Variants in GPHN observed in about 807,000 individuals in gnomAD.
GPHN encodes gephyrin.
A neutral mutation model predicts 95.5 loss-of-function variants in GPHN; 17 were observed. That is an observed-to-expected ratio of 0.18 (90% CI 0.12 to 0.27). The LOEUF is 0.27. Ranked by LOEUF, GPHN falls within the 10% of genes least tolerant of loss-of-function variation. The probability of loss-of-function intolerance (pLI) is 1.00; values close to 1 mark genes in which losing one functional copy is unlikely to be tolerated. For synonymous variants in GPHN, 320 were observed against 322.5 expected (o/e 0.99, Z 0.08); for missense variants, 660 against 978.1 (o/e 0.67, Z 4.34).
the GPHN span, among the ~76,000 whole-genome samples, chr14:67,276,117 T>A: frequency 1.3e-5 from 2 of 152,220 alleles, no homozygotes; most frequent in African/African-American, 4.8e-5. Flanking sequence ...CTCTATCCAA[T>A]AGGAGTGATA....
the GPHN span, among the ~76,000 whole-genome samples, chr14:67,233,276 G>A: frequency 2.6e-4 from 39 of 152,052 alleles, no homozygotes; most frequent in South Asian, 8.1e-3. Flanking sequence ...CAAGTAGCTG[G>A]GACTATAGGC....
At chr14:66,679,803 T>G (rs2066833359) in intron 1 of GPHN, among the ~76,000 whole-genome samples, 1 of 152,230 alleles carries the variant, frequency 6.6e-6, no homozygotes, top group African/African-American at 2.4e-5. Flanking sequence ...AGATTTTCAT[T>G]CTTTGTTGAA....
intron 11 of GPHN, among the ~76,000 whole-genome samples, chr14:67,068,726 T>C (rs1280251661): frequency 6.6e-6 from 1 of 152,216 alleles, no homozygotes; most frequent in Non-Finnish European, 1.5e-5. Flanking sequence ...TTTTCCACTT[T>C]AGCAGTTCTA....
At chr14:66,803,434 A>T (rs2153478212) in intron 3 of GPHN, among the ~76,000 whole-genome samples, 1 of 152,240 alleles carries the variant, frequency 6.6e-6, no homozygotes, top group East Asian at 1.9e-4. Flanking sequence ...TTTTGTGTAG[A>T]TAGTTGTTAA....
At chr14:67,127,238 A>G (rs978738268) in intron 17 of GPHN, among the ~76,000 whole-genome samples, 2 of 145,590 alleles carry the variant, frequency 1.4e-5, no homozygotes, top group Non-Finnish European at 3.0e-5. Flanking sequence ...ATGTACCCTA[A>G]AACTTAAAGT....
the GPHN span, among the ~76,000 whole-genome samples, chr14:67,719,719 C>T: frequency 5.3e-5 from 8 of 152,174 alleles, no homozygotes; most frequent in Admixed American, 5.2e-4. Context: ...CTCACGTGAT[C>T]CTCCTGCCTC....
At position 66,621,065 on chromosome 14, in the gene GPHN, C is replaced by T. The variant is rs552184669; in HGVS notation, c.65-60042C>T. ...CTGCAAGCTCTGCCTCCCGGGTTCA[C>T]GCCATTCTCCTGCCTCAGCCTCCTG... On this transcript the variant is annotated intron_variant, in intron 1 of 22. Transcript: ENST00000478722. 1.6e-4 allele frequency among the ~76,000 whole-genome samples: 24 copies of T among 151,900 alleles called. No homozygotes were observed. The South Asian group carries it at 3.1e-3, about 20-fold the overall frequency.
chr14:66,978,390 C>G (rs1439442717), intron 9 of GPHN, among the ~76,000 whole-genome samples: 2 of 152,074 alleles, frequency 1.3e-5, no homozygotes, highest in African/African-American at 2.4e-5. Context: ...CCTCTCAAAC[C>G]CTGCTGCTGC....
chr14:67,118,073 G>C (rs1485361386), intron 16 of GPHN, among the ~76,000 whole-genome samples: 2 of 152,016 alleles, frequency 1.3e-5, no homozygotes. Context: ...TGTTGGGGAG[G>C]GAAAAATAAT....
At chr14:67,643,273 T>C in the GPHN span, among the ~76,000 whole-genome samples, 1 of 152,160 alleles carries the variant, frequency 6.6e-6, no homozygotes, top group Non-Finnish European at 1.5e-5. Context: ...CTAGATGAAA[T>C]AAATATACAT....
intron 1 of GPHN, among the ~76,000 whole-genome samples, chr14:66,557,233 GTAGGTAGATAGATAGATAGA>G (rs1350076624): frequency 5.9e-5 from 8 of 135,396 alleles, no homozygotes; most frequent in African/African-American, 1.9e-4. Context: ...AGATACATAG[GTAGGTAGATAGATAGATAGA>G]TAGATAGATA....
At chr14:66,821,303 T>G (rs1386036821) in intron 3 of GPHN, among the ~76,000 whole-genome samples, 1 of 152,232 alleles carries the variant, frequency 6.6e-6, no homozygotes, top group African/African-American at 2.4e-5. Context: ...TGGCACATAG[T>G]TCAGTTTAAT....
the GPHN span, among the ~76,000 whole-genome samples, chr14:67,511,743 C>T: frequency 6.6e-6 from 1 of 152,220 alleles, no homozygotes; most frequent in South Asian, 2.1e-4. Flanking sequence ...CGCTCCACTA[C>T]ATTTATACAT....
intron 8 of GPHN, among the ~76,000 whole-genome samples, chr14:66,952,953 T>C (rs1267081205): frequency 6.6e-6 from 1 of 151,662 alleles, no homozygotes; most frequent in African/African-American, 2.4e-5. Context: ...CTCGGCCCCC[T>C]AAAGTGCTGG....
chr14:66,631,923 G>T (rs2063829229), intron 1 of GPHN, among the ~76,000 whole-genome samples: 1 of 151,726 alleles, frequency 6.6e-6, no homozygotes, highest in African/African-American at 2.4e-5. Context: ...TCTTGCTATT[G>T]CTTCGAATTC....
chr14:67,089,223 T>G (rs1403376872), intron 12 of GPHN, 148 bp downstream of exon 12: 1 of 560,132 alleles, frequency 1.8e-6, no homozygotes, highest in African/African-American at 2.0e-5. Context: ...ACTGTCAAAA[T>G]AACTTCATTC....
intron 1 of GPHN, among the ~76,000 whole-genome samples, chr14:66,673,690 C>T (rs1473512130): frequency 1.3e-5 from 2 of 152,114 alleles, no homozygotes; most frequent in East Asian, 1.9e-4. Flanking sequence ...TTCTCTAACG[C>T]ACTTTATTTA....
chr14:66,912,845 A>C (rs2065735573), intron 5 of GPHN, among the ~76,000 whole-genome samples: 1 of 152,172 alleles, frequency 6.6e-6, no homozygotes, highest in Non-Finnish European at 1.5e-5. Flanking sequence ...TAACCCTTTT[A>C]ACAACTCAGG....
the GPHN span, chr14:67,393,145 C>T: frequency 6.2e-7 from 1 of 1,604,754 alleles, no homozygotes; most frequent in Non-Finnish European, 8.5e-7. Flanking sequence ...GGGGGACAGG[C>T]TCACCGAGGA....
Sources: gnomAD v4.1 joint callset for allele counts (sites outside exome capture counted in the v4.1 genomes callset) on GRCh38, gnomAD v4.1.1 for gene constraint, MANE v1.5 for transcripts, NCBI Gene and HGNC (gene_info 2026-07-23, HGNC 2026-07-21) for gene names.